The following SDK2 variants were observed in gnomAD, a reference collection of about 807,000 sequenced individuals.
The protein encoded by SDK2 is protein sidekick-2.
Under a neutral mutation model 253.9 loss-of-function variants are expected in SDK2, and 105 were observed. The ratio of observed to expected loss-of-function variants is 0.41; its 90% confidence interval spans 0.35 to 0.49. SDK2 has a LOEUF of 0.49. Among genes scored for constraint, SDK2 ranks in the 20% least tolerant of loss-of-function variants. SDK2 has a pLI of 0.06. For missense variants in SDK2, 2,608 were observed against 3,003.0 expected, an observed-to-expected ratio of 0.87 and a Z score of 3.07; for synonymous variants, 1,249 against 1,234.9, an observed-to-expected ratio of 1.01 and a Z score of -0.24.
At chr17:73,589,810 G>C (rs1484367192) in intron 1 of SDK2, among the ~76,000 whole-genome samples, 1 of 152,274 alleles carries the variant, frequency 6.6e-6, no homozygotes, top group African/African-American at 2.4e-5. Flanking sequence ...CAGCCCCGCA[G>C]AGCCACTGCG....
chr17:73,466,871 A>G (rs1477489170), intron 3 of SDK2, among the ~76,000 whole-genome samples: 3 of 152,120 alleles, frequency 2.0e-5, no homozygotes, highest in African/African-American at 7.2e-5. Context: ...TACAGATGGG[A>G]AAACTGAGGT....
rs944552713 is a variant in SDK2 at position 73,362,258 on chromosome 17, T to C, written c.5306-413A>G. On this transcript the variant is annotated intron_variant, in intron 38 of 44. Transcript: ENST00000392650. ...CCATGGGACTAGAATTATATCCTTT[T>C]TCAGGAAGTGCTTCCATAAAAATAC... Among the ~76,000 whole-genome samples, 3 of 152,160 alleles carry C rather than the reference T, an allele frequency of 2.0e-5. No individual in the cohort carries two copies. The East Asian group carries it at 5.8e-4, about 29-fold the overall frequency.
intron 44 of SDK2, among the ~76,000 whole-genome samples, chr17:73,339,964 C>A (rs182371249): frequency 4.6e-5 from 7 of 152,014 alleles, no homozygotes; most frequent in Non-Finnish European, 1.0e-4. Context: ...TCCACCTACC[C>A]GGTTCAAGTG....
At position 73,511,863 on chromosome 17, in the gene SDK2, A is replaced by G. The variant is rs917350599; in HGVS notation, c.65-4266T>C. On this transcript the variant is annotated intron_variant, in intron 1 of 44. Coordinates refer to ENST00000392650, the MANE Select transcript of SDK2 (RefSeq NM_001144952.2). This position sits in a 1 kb window ranked among gnomAD's most constrained non-coding sequence, Gnocchi z 4.9. The stretch of plus-strand genomic sequence containing the variant: ...CTGAGGGGAAGAAGATGCTGCTGGG[A>G]TAACAGAACGTGTGGACGTGTCTAT... Among the ~76,000 whole-genome samples the G allele has an allele frequency of 8.5e-5, 13 of 152,176 alleles. No homozygotes were observed. The highest frequency in any genetic ancestry group is 7.9e-4 in the Admixed American group (12 of 15,278).
chr17:73,361,737 G>A lies in SDK2; in HGVS notation c.5414C>T (p.Thr1805Ile). The A allele has an allele frequency of 6.2e-7, 1 of 1,613,652 alleles. No homozygotes were observed. The highest frequency in any genetic ancestry group is 8.5e-7 in the Non-Finnish European group (1 of 1,179,604). ...VTYRFRIRAK[T>I]FTYGPEIEAN... is the part of the protein sequence containing the mutation. ...TTCGATCTCCGGCCCGTAGGTGAAG[G>A]TCTTGGCTCTGATGCGGAACCTGTA... is the stretch of plus-strand genomic sequence containing the variant. The change falls in exon 39 of 45, where the codon ACC (threonine) becomes ATC (isoleucine). Residue 1805 changes from threonine to isoleucine, a missense_variant. Transcript: ENST00000392650. This position sits in a 1 kb window ranked among gnomAD's most constrained non-coding sequence, Gnocchi z 4.1.
chr17:73,451,458 C>A (rs977610876), intron 4 of SDK2, among the ~76,000 whole-genome samples: 1 of 152,188 alleles, frequency 6.6e-6, no homozygotes, highest in South Asian at 2.1e-4. Context: ...GAGCTGAGAT[C>A]GTGCCATTGC....
chr17:73,539,484 T>C (rs568201305), intron 1 of SDK2, among the ~76,000 whole-genome samples: 9 of 29,296 alleles, frequency 3.1e-4, no homozygotes, highest in African/African-American at 1.3e-3. Context: ...GGGACGCTGA[T>C]GGGGAGAGGA....
At chr17:73,451,190 ACTC>A (rs1202917605) in intron 4 of SDK2, among the ~76,000 whole-genome samples, 1 of 151,738 alleles carries the variant, frequency 6.6e-6, no homozygotes, top group East Asian at 1.9e-4. Context: ...TGATGGCAAA[ACTC>A]CTGCCTCTCA....
chr17:73,379,136 C>T lies in SDK2; in HGVS notation c.4980+41G>A. 2 of 1,459,018 alleles carry T rather than the reference C, an allele frequency of 1.4e-6. No individual in the cohort carries two copies. The highest frequency in any genetic ancestry group is 9.4e-7 in the Non-Finnish European group (1 of 1,065,020). The allele number at this position is 1,459,018 out of a possible 1,614,324, so 90.4% of individuals were successfully genotyped here. On this transcript the variant is annotated intron_variant, in intron 36 of 44. Transcript: ENST00000392650. The surrounding 1 kb of genome is among the most constrained non-coding windows in gnomAD (Gnocchi z 4.5). ...CACTCCCCAGCCTCCGACCTGGCTT[C>T]TCATCCGTGCACCCCTTTGCTCTGC...
At chr17:73,583,797 A>G (rs2045568709) in intron 1 of SDK2, among the ~76,000 whole-genome samples, 1 of 152,154 alleles carries the variant, frequency 6.6e-6, no homozygotes, top group South Asian at 2.1e-4. Context: ...TGAGCTCCAG[A>G]TGAAGGGTCC....
rs201145320 is a variant in SDK2 at position 73,435,694 on chromosome 17, C to T, written c.1001-50G>A. 29 of 1,477,990 alleles carry T rather than the reference C, an allele frequency of 2.0e-5. No individual in the cohort carries two copies. The highest frequency in any genetic ancestry group is 1.9e-4 in the Middle Eastern group (1 of 5,392). 91.6% of individuals were successfully genotyped at this position (1,477,990 alleles called of 1,614,324 possible). ...GTCAACCTGCCTCCTGCCTCCTCTC[C>T]GCCTAGGAGGGGTGCTTGGGAGGAG... On this transcript the variant is annotated intron_variant, in intron 8 of 44. Coordinates refer to ENST00000392650, the MANE Select transcript of SDK2 (RefSeq NM_001144952.2). This position sits in a 1 kb window ranked among gnomAD's most constrained non-coding sequence, Gnocchi z 5.7.
At chr17:73,516,369 C>T (rs1250338046) in intron 1 of SDK2, among the ~76,000 whole-genome samples, 1 of 152,210 alleles carries the variant, frequency 6.6e-6, no homozygotes, top group Non-Finnish European at 1.5e-5. Flanking sequence ...AATGTCTGCA[C>T]GTCATACACT....
chr17:73,398,141 C>T lies in SDK2; in HGVS notation c.3248G>A (p.Ser1083Asn). 6.2e-7 allele frequency: 1 copy of T among 1,613,654 alleles called. No homozygotes were observed. The highest frequency in any genetic ancestry group is 1.3e-5 in the African/African-American group (1 of 75,062). ...QVNIVGTSPPSQPSRKIQTLQ... is the reference protein window; with the variant it reads ...QVNIVGTSPPNQPSRKIQTLQ... ...GGTCTGGATCTTTCTAGAAGGCTGA[C>T]TGGGGGGGCTGGTGCCCACGATGTT... The change falls in exon 24 of 45, where the codon AGT (serine) becomes AAT (asparagine). Residue 1083 changes from serine to asparagine, a missense_variant. By Grantham distance (46) the Ser-to-Asn change is conservative (BLOSUM62 1). Around this residue, in one of 2 missense-constraint regions of SDK2, gnomAD observed 1,505 missense variants for 1,859.1 expected, o/e 0.81. Coordinates refer to ENST00000392650, the MANE Select transcript of SDK2 (RefSeq NM_001144952.2).
Position 73,395,123 on chromosome 17 carries a change from C to G in SDK2, c.3592+32G>C. 1 of 1,527,372 alleles carries G rather than the reference C, an allele frequency of 6.5e-7. No homozygotes were observed. Among genetic ancestry groups the G allele is most frequent in the Non-Finnish European group, 8.9e-7 (1 of 1,128,646 alleles). 94.6% of individuals were successfully genotyped at this position (1,527,372 alleles called of 1,614,324 possible). A position where few individuals can be genotyped will look rare whatever the true frequency, so the allele number is the denominator to read the frequency against. On this transcript the variant is annotated intron_variant, in intron 25 of 44. Coordinates refer to ENST00000392650, the MANE Select transcript of SDK2 (RefSeq NM_001144952.2). The surrounding 1 kb of genome is among the most constrained non-coding windows in gnomAD (Gnocchi z 4.3). ...GCATAGAGACCAAGGAGGGGACAGG[C>G]AGCAGGGTGGCTGGGTGTGAGGGGT... is the stretch of plus-strand genomic sequence containing the variant.
chr17:73,608,827 T>G (rs1339617145), intron 1 of SDK2, among the ~76,000 whole-genome samples: 1 of 152,168 alleles, frequency 6.6e-6, no homozygotes, highest in African/African-American at 2.4e-5. Context: ...ATCATGTCTA[T>G]TTTTAAAGGA....
At position 73,393,647 on chromosome 17, in the gene SDK2, G is replaced by C. The variant is rs1350137873; in HGVS notation, c.3811C>G (p.Leu1271Val). 2.5e-6 allele frequency: 4 copies of C among 1,601,346 alleles called. No homozygotes were observed. Among genetic ancestry groups the C allele is most frequent in the Non-Finnish European group, 3.4e-6 (4 of 1,170,740 alleles). The change falls in exon 27 of 45, where the codon CTC becomes GTC. Residue 1271 changes from leucine (L) to valine (V), a missense_variant. Leu to Val is a conservative substitution (Grantham distance 32, BLOSUM62 1). Around this residue, in one of 2 missense-constraint regions of SDK2, gnomAD observed 1,505 missense variants for 1,859.1 expected, o/e 0.81. Transcript: ENST00000392650. Reference protein sequence around the residue: ...AQLTGLGKYVLYEVQVLAFTR... With the variant: ...AQLTGLGKYVVYEVQVLAFTR... The stretch of plus-strand genomic sequence containing the variant: ...AAGGCCAGCACCTGGACTTCATAGA[G>C]CACGTATTTGCCCAAGCCGGTGAGC...
chr17:73,640,583 C>A (rs1166774017), intron 1 of SDK2, among the ~76,000 whole-genome samples: 14 of 152,148 alleles, frequency 9.2e-5, no homozygotes. Context: ...AGCGAAAGGC[C>A]CTGATCAATA....
chr17:73,437,306 G>A (rs557702486), intron 8 of SDK2, among the ~76,000 whole-genome samples: 2 of 152,184 alleles, frequency 1.3e-5, no homozygotes, highest in Non-Finnish European at 2.9e-5. Flanking sequence ...TTCAAGGGGG[G>A]TTAAGTAGGA....
intron 39 of SDK2, among the ~76,000 whole-genome samples, chr17:73,359,555 C>T (rs2062623688): frequency 6.6e-6 from 1 of 152,220 alleles, no homozygotes; most frequent in Non-Finnish European, 1.5e-5. Flanking sequence ...TTCTCCGGGG[C>T]CAGGAGCTTC....
Sources: allele counts gnomAD v4.1 joint callset (sites outside exome capture counted in the v4.1 genomes callset), GRCh38; gene constraint gnomAD v4.1.1; regional missense constraint gnomAD v4.1.1; non-coding constraint Gnocchi (gnomAD v3.1); transcripts MANE v1.5; gene names NCBI Gene and HGNC (gene_info 2026-07-23, HGNC 2026-07-21).